The following DIP2A variants were observed in gnomAD, a reference collection of about 807,000 sequenced individuals.
The protein encoded by DIP2A is DIP2 acetate--CoA ligase A, also known as disco-interacting protein 2 homolog A.
In DIP2A, 85 loss-of-function variants were observed where a neutral mutation model predicts 177.4. That is an observed-to-expected ratio of 0.48 (90% CI 0.40 to 0.57). The LOEUF is 0.57. DIP2A is among the 20% of genes least tolerant of loss of function. DIP2A has a pLI of 0.00. For missense variants in DIP2A, 1,791 were observed against 2,100.2 expected (o/e 0.85, Z 2.88); for synonymous variants, 886 against 881.8 (o/e 1.00, Z -0.08).
chr21:46,555,205 G>A (rs1388460288), intron 28 of DIP2A, among the ~76,000 whole-genome samples: 1 of 152,228 alleles, frequency 6.6e-6, no homozygotes, highest in Non-Finnish European at 1.5e-5. Context: ...CTACTGGCAT[G>A]GGGGCTGGCA....
intron 1 of DIP2A, among the ~76,000 whole-genome samples, chr21:46,460,327 G>T (rs1274471095): frequency 6.6e-6 from 1 of 152,296 alleles, no homozygotes; most frequent in East Asian, 1.9e-4. Context: ...ATTCCTTTTG[G>T]CTGTCTTTGG....
chr21:46,510,349 C>A (rs1648377270), intron 7 of DIP2A, among the ~76,000 whole-genome samples: 1 of 152,140 alleles, frequency 6.6e-6, no homozygotes, highest in Non-Finnish European at 1.5e-5. Flanking sequence ...CTTTCCCAGT[C>A]CACTGACTCA....
At chr21:46,496,821 C>G (rs965709997) in intron 3 of DIP2A, among the ~76,000 whole-genome samples, 167 bp from the exon 4 acceptor site, 2 of 152,106 alleles carry the variant, frequency 1.3e-5, no homozygotes, top group Non-Finnish European at 2.9e-5. Flanking sequence ...GTTAGATCTA[C>G]AAACAAAGAA....
chr21:46,539,353 C>T (rs1284738612), intron 16 of DIP2A: 2 of 178,834 alleles, frequency 1.1e-5, no homozygotes, highest in Non-Finnish European at 2.4e-5. Flanking sequence ...GCCGACACCC[C>T]ATCTCTTGGG....
chr21:46,538,466 C>CAGCTG lies in DIP2A; in HGVS notation c.1802-17_1802-16insAGCTG. 1.3e-6 allele frequency: 2 copies of CAGCTG among 1,541,164 alleles called. No homozygotes were observed. Among genetic ancestry groups the CAGCTG allele is most frequent in the Non-Finnish European group, 1.7e-6 (2 of 1,146,504 alleles). ...TCCTTGTGACGCAGGGATGTCTGTG[C>CAGCTG]CATCCTCTCTCTGCAGCTCGGGCCG... On this transcript the variant is annotated splice_polypyrimidine_tract_variant and intron_variant, in intron 15 of 37. Transcript: ENST00000417564.
At position 46,551,729 on chromosome 21, in the gene DIP2A, G is replaced by A. The variant is rs748473643; in HGVS notation, c.2935G>A (p.Asp979Asn). The A allele has an allele frequency of 6.9e-5, 111 of 1,613,822 alleles. 1 individual carries two copies. In the Admixed American group the frequency reaches 7.0e-4, roughly 10 times the overall value. Residue 979 changes from aspartate to asparagine, a missense_variant, in exon 24 of 38, where the codon GAC becomes AAC. Asp to Asn is a conservative substitution (Grantham distance 23). Coordinates refer to ENST00000417564, the MANE Select transcript of DIP2A (RefSeq NM_015151.4). ...AGAGCTCGCCCACCTGGAGGACAGCGACCAGGCACGGAAGGTGACAGGCCA... is the reference window on the plus strand; with the variant it reads ...AGAGCTCGCCCACCTGGAGGACAGCAACCAGGCACGGAAGGTGACAGGCCA... ...GRELAHLEDS[D>N]QARKFLFLAD...
At chr21:46,541,015 C>CAAA (rs532906368) in intron 17 of DIP2A, among the ~76,000 whole-genome samples, 2 of 71,898 alleles carry the variant, frequency 2.8e-5, no homozygotes, top group African/African-American at 4.3e-5. Context: ...AACTCTGTGT[C>CAAA]AAAAAAAAAA....
In DIP2A at chr21:46,500,994, A is replaced by G. The variant is rs561160340; in HGVS notation, c.655+2161A>G. 2.0e-5 allele frequency among the ~76,000 whole-genome samples: 3 copies of G among 152,336 alleles called. No individual in the cohort carries two copies. The East Asian group carries it at 5.8e-4, about 29-fold the overall frequency. ...AAAATTCTTAACTTGGACTTGATTT[A>G]ATACTTTGCTTACAGGATTGCAATT... is the stretch of plus-strand genomic sequence containing the variant. On this transcript the variant is annotated intron_variant, in intron 5 of 37. Transcript: ENST00000417564.
chr21:46,482,521 G>A (rs188554696), intron 1 of DIP2A, among the ~76,000 whole-genome samples: 51 of 152,280 alleles, frequency 3.3e-4, no homozygotes, highest in Middle Eastern at 3.4e-3. Flanking sequence ...TGTATTTACT[G>A]TACAATTTAT....
intron 4 of DIP2A, among the ~76,000 whole-genome samples, chr21:46,497,476 C>T (rs1433726594): frequency 6.6e-6 from 1 of 152,126 alleles, no homozygotes; most frequent in African/African-American, 2.4e-5. Flanking sequence ...CATCTTATTA[C>T]CTATAACTTA....
chr21:46,505,861 CAT>C (rs1420081706), intron 6 of DIP2A, among the ~76,000 whole-genome samples: 1 of 152,166 alleles, frequency 6.6e-6, no homozygotes, highest in Non-Finnish European at 1.5e-5. Flanking sequence ...TACCACTCTC[CAT>C]AATTATTTTG....
At position 46,535,911 on chromosome 21, in the gene DIP2A, C is replaced by T. The variant is rs150036054; in HGVS notation, c.1642+1224C>T. 4.7e-4 allele frequency among the ~76,000 whole-genome samples: 71 copies of T among 152,188 alleles called. No individual in the cohort carries two copies. In the East Asian group the frequency reaches 0.012, roughly 26 times the overall value. On this transcript the variant is annotated intron_variant, in intron 13 of 37. Coordinates refer to ENST00000417564, the MANE Select transcript of DIP2A (RefSeq NM_015151.4). ...GGGCTGTGCTAACCAGGTATCTGCA[C>T]GAAGTTTGGCAGCAACATGGTGACC...
At chr21:46,544,177 G>A (rs1216922790) in intron 18 of DIP2A, among the ~76,000 whole-genome samples, 1 of 152,056 alleles carries the variant, frequency 6.6e-6, no homozygotes, top group East Asian at 1.9e-4. Context: ...CTTGTGGGAG[G>A]CGAAGGCAGC....
intron 3 of DIP2A, 88 bp downstream of exon 3, chr21:46,490,807 T>G: frequency 1.5e-5 from 21 of 1,419,814 alleles, no homozygotes; most frequent in Non-Finnish European, 2.0e-5. Flanking sequence ...ATTTTTCCTT[T>G]GCCACAATAT....
intron 1 of DIP2A, among the ~76,000 whole-genome samples, chr21:46,483,920 C>A (rs2056520667): frequency 6.6e-6 from 1 of 152,192 alleles, no homozygotes; most frequent in African/African-American, 2.4e-5. Context: ...GTTAGAACTT[C>A]CAGGTATGTG....
intron 2 of DIP2A, among the ~76,000 whole-genome samples, chr21:46,489,546 C>G (rs982764848): frequency 1.3e-5 from 2 of 152,122 alleles, no homozygotes; most frequent in Non-Finnish European, 2.9e-5. Flanking sequence ...AGCCGTGTCG[C>G]CTTTCACGAC....
chr21:46,551,749 A>G lies in DIP2A; in HGVS notation c.2949+6A>G. 1 of 1,613,944 alleles carries G rather than the reference A, an allele frequency of 6.2e-7. No homozygotes were observed. Among genetic ancestry groups the G allele is most frequent in the Non-Finnish European group, 8.5e-7 (1 of 1,179,872 alleles). ...ACAGCGACCAGGCACGGAAGGTGAC[A>G]GGCCAGTTCCGGGGACGGGTGGACG... On this transcript the variant is annotated splice_donor_region_variant and intron_variant, in intron 24 of 37. Transcript: ENST00000417564.
At chr21:46,484,950 A>C (rs1453346764) in intron 2 of DIP2A, 122 bp downstream of exon 2, 2 of 868,714 alleles carry the variant, frequency 2.3e-6, no homozygotes, top group Non-Finnish European at 3.3e-6. Flanking sequence ...ACACTGGTAT[A>C]TGTTGATTAT....
At chr21:46,515,417 G>T (rs1302534366) in intron 8 of DIP2A, among the ~76,000 whole-genome samples, 1 of 149,314 alleles carries the variant, frequency 6.7e-6, no homozygotes, top group African/African-American at 2.5e-5. Context: ...CTCAGCGTCT[G>T]CTTTGTGAAG....
Sources: allele counts gnomAD v4.1 joint callset (sites outside exome capture counted in the v4.1 genomes callset), GRCh38; gene constraint gnomAD v4.1.1; transcripts MANE v1.5; gene names NCBI Gene and HGNC (gene_info 2026-07-23, HGNC 2026-07-21).